Variants in CCT2 observed in about 807,000 individuals in gnomAD.
CCT2 encodes the protein chaperonin containing TCP1 subunit 2.
In CCT2, 18 loss-of-function variants were observed where a neutral mutation model predicts 61.8. The ratio of observed to expected loss-of-function variants is 0.29; its 90% CI spans 0.20 to 0.43. The LOEUF is 0.43. Ranked by LOEUF, CCT2 falls within the 20% of genes least tolerant of loss-of-function variation. CCT2 has a pLI of 1.00. For missense variants in CCT2, 556 were observed against 656.9 expected, an observed-to-expected ratio of 0.85 and a Z score of 1.68; for synonymous variants, 248 against 215.9, an observed-to-expected ratio of 1.15 and a Z score of -1.30.
chr12:69,586,841 A>G (rs1881678855), intron 3 of CCT2, 23 bp downstream of exon 3: 1 of 1,426,608 alleles, frequency 7.0e-7, no homozygotes, highest in Non-Finnish European at 9.7e-7. Context: ...GAAAAGTTTT[A>G]TATTTTAATA....
chr12:69,593,815 A>G (rs956322073), intron 10 of CCT2, among the ~76,000 whole-genome samples: 13 of 152,202 alleles, frequency 8.5e-5, no homozygotes, highest in African/African-American at 2.9e-4. Context: ...CCGTAGGTAT[A>G]GATTTCTTTC....
At chr12:69,597,616 T>G in intron 11 of CCT2, 22 bp from the exon 12 acceptor site, 1 of 1,608,758 alleles carries the variant, frequency 6.2e-7, no homozygotes. Context: ...CCCTAAGTGG[T>G]CACTGTGTCT....
At chr12:69,594,152 G>C (rs1050026651) in intron 10 of CCT2, among the ~76,000 whole-genome samples, 1 of 151,198 alleles carries the variant, frequency 6.6e-6, no homozygotes, top group Non-Finnish European at 1.5e-5. Flanking sequence ...AAAAAAAAAA[G>C]ATATGTATAT....
chr12:69,595,513 C>A (rs1179867012), intron 10 of CCT2, among the ~76,000 whole-genome samples: 1 of 151,964 alleles, frequency 6.6e-6, no homozygotes, highest in Non-Finnish European at 1.5e-5. Context: ...TATGGTGAAA[C>A]CCTGTCTCTA....
chr12:69,587,988 A>G lies in CCT2; in HGVS notation c.315A>G (p.Leu105=), dbSNP rs1231874446. Reference sequence around the variant, plus strand: ...ATGGCACTACCTCTGTTACCGTTTTAGCAGCAGAATTATTAAGGGTAAGAG... The same window carrying G: ...ATGGCACTACCTCTGTTACCGTTTTGGCAGCAGAATTATTAAGGGTAAGAG... ...VGDGTTSVTV[L]AAELLREAES... The change falls in exon 5 of 16, where the codon TTA becomes TTG. Residue 105 remains leucine (L), a synonymous_variant. Coordinates refer to ENST00000299300, the MANE Select transcript of CCT2 (RefSeq NM_006431.3). The G allele has an allele frequency of 6.2e-7, 1 of 1,613,544 alleles. No individual in the cohort carries two copies. The highest frequency in any genetic ancestry group is 1.1e-5 in the South Asian group (1 of 91,078).
chr12:69,589,229 C>T, intron 6 of CCT2: 1 of 495,320 alleles, frequency 2.0e-6, no homozygotes, highest in Non-Finnish European at 3.6e-6. Context: ...CCGGCCATTT[C>T]TCACATTCTT....
intron 9 of CCT2, 88 bp downstream of exon 9, chr12:69,593,191 C>A: frequency 1.7e-6 from 2 of 1,173,618 alleles, no homozygotes; most frequent in Non-Finnish European, 1.2e-6. Flanking sequence ...GATTTTTTAC[C>A]TAGGAACTGT....
intron 10 of CCT2, among the ~76,000 whole-genome samples, chr12:69,596,638 A>G (rs1381492688): frequency 6.6e-6 from 1 of 152,228 alleles, no homozygotes; most frequent in Non-Finnish European, 1.5e-5. Flanking sequence ...TCAGGTGCTT[A>G]TTAAGCAGTT....
At position 69,591,238 on chromosome 12, in the gene CCT2, C is replaced by T. The variant is rs114570728; in HGVS notation, c.650-821C>T. 2.8e-3 allele frequency among the ~76,000 whole-genome samples: 426 copies of T among 152,236 alleles called. 5 individuals carry two copies. Among genetic ancestry groups the T allele is most frequent in the African/African-American group, 9.5e-3 (393 of 41,516 alleles). On this transcript the variant is annotated intron_variant, in intron 7 of 15. Coordinates refer to ENST00000299300, the MANE Select transcript of CCT2 (RefSeq NM_006431.3). ...TGGTGGCTTCATAATGGAAAAGTTT[C>T]TAATGTAACCAAAAAAAGGCCTAGA...
At chr12:69,594,132 C>G (rs1766955015) in intron 10 of CCT2, among the ~76,000 whole-genome samples, 1 of 149,298 alleles carries the variant, frequency 6.7e-6, no homozygotes, top group South Asian at 2.1e-4. Context: ...CAGTGAGACC[C>G]TGTCTCAAAA....
intron 15 of CCT2, among the ~76,000 whole-genome samples, chr12:69,600,756 C>T (rs970749166): frequency 1.3e-5 from 2 of 152,162 alleles, no homozygotes; most frequent in Admixed American, 6.5e-5. Context: ...TTCAGCTTCT[C>T]GTAACTGTTG....
intron 10 of CCT2, 52 bp from the exon 11 acceptor site, chr12:69,597,101 AAAC>A: frequency 6.4e-7 from 1 of 1,574,288 alleles, no homozygotes; most frequent in Non-Finnish European, 8.7e-7. Flanking sequence ...GCTTATTAGA[AAAC>A]AGGAATTTTA....
rs777105699 is a variant in CCT2 at position 69,597,645 on chromosome 12, T to C, written c.1110T>C (p.Ala370=). Residue 370 remains alanine (A), a synonymous_variant, in exon 12 of 16, where the codon GCT becomes GCC. Coordinates refer to ENST00000299300, the MANE Select transcript of CCT2 (RefSeq NM_006431.3). The part of the protein sequence containing the change: ...IHFSGVALGE[A]CTIVLRGATQ... ...TGTGTCTTTTAATTTTAGGTGAGGCTTGTACCATTGTTTTGCGTGGTGCCA... is the reference window on the plus strand; with the variant it reads ...TGTGTCTTTTAATTTTAGGTGAGGCCTGTACCATTGTTTTGCGTGGTGCCA... 3 of 1,613,438 alleles carry C rather than the reference T, an allele frequency of 1.9e-6. No individual in the cohort carries two copies. Among genetic ancestry groups the C allele is most frequent in the African/African-American group, 1.3e-5 (1 of 74,916 alleles).
chr12:69,587,019 T>C (rs1181832532), intron 3 of CCT2: 1 of 450,952 alleles, frequency 2.2e-6, no homozygotes, highest in Non-Finnish European at 3.9e-6. Context: ...AGTACTGTTA[T>C]CATTTGCACG....
At chr12:69,592,032 A>G (rs1005749979) in intron 7 of CCT2, 27 bp from the exon 8 acceptor site, 2 of 1,251,106 alleles carry the variant, frequency 1.6e-6, no homozygotes, top group Non-Finnish European at 2.3e-6. Flanking sequence ...AGTATTAAAT[A>G]TGATACTGTT....
Position 69,598,100 on chromosome 12 carries a change from C to T in CCT2, c.1335+29C>T, listed in dbSNP as rs1271672089. ...AGTTAATCAAAATGAGAGATCCGAACTTAAGTTTTGTGGTTATTGATAGTT... is the reference window on the plus strand; with the variant it reads ...AGTTAATCAAAATGAGAGATCCGAATTTAAGTTTTGTGGTTATTGATAGTT... On this transcript the variant is annotated intron_variant, in intron 13 of 15. Coordinates refer to ENST00000299300, the MANE Select transcript of CCT2 (RefSeq NM_006431.3). 2.6e-6 allele frequency: 4 copies of T among 1,511,780 alleles called. No homozygotes were observed. The Admixed American group carries it at 5.1e-5, about 19-fold the overall frequency. The allele number at this position is 1,511,780 out of a possible 1,614,324, so 93.6% of individuals were successfully genotyped here.
chr12:69,585,533 G>C lies in CCT2; in HGVS notation c.3+9G>C. 1 of 1,570,812 alleles carries C rather than the reference G, an allele frequency of 6.4e-7. No homozygotes were observed. The highest frequency in any genetic ancestry group is 8.6e-7 in the Non-Finnish European group (1 of 1,157,128). On this transcript the variant is annotated intron_variant, in intron 1 of 15. Transcript: ENST00000299300. ...AACTCCTCGGAACCATGGTGAGCCT[G>C]ACTCCCCTGCCTCTTGCCCTACCCC... is the stretch of plus-strand genomic sequence containing the variant.
chr12:69,597,341 T>C, intron 11 of CCT2, 66 bp downstream of exon 11: 1 of 1,556,542 alleles, frequency 6.4e-7, no homozygotes, highest in Non-Finnish European at 8.8e-7. Context: ...GAAGTAAAGG[T>C]TATTGTAGTT....
At chr12:69,598,465 T>A in intron 14 of CCT2, 44 bp downstream of exon 14, 6 of 1,201,840 alleles carry the variant, frequency 5.0e-6, no homozygotes, top group Non-Finnish European at 7.1e-6. Flanking sequence ...TAAAAGTAAC[T>A]CTTTTCACTA....
Sources: allele counts gnomAD v4.1 joint callset (sites outside exome capture counted in the v4.1 genomes callset), GRCh38; gene constraint gnomAD v4.1.1; transcripts MANE v1.5; gene names NCBI Gene and HGNC (gene_info 2026-07-23, HGNC 2026-07-21).